MED12L: variants seen among roughly 807,000 people sequenced by gnomAD.
The protein encoded by MED12L is mediator of RNA polymerase II transcription subunit 12-like protein.
MED12L carries 60 observed loss-of-function variants against 281.3 expected under a neutral mutation model. The observed-to-expected ratio is 0.21, with a 90% CI of 0.17 to 0.26. The LOEUF is 0.26. MED12L is among the 10% of genes least tolerant of loss of function. The pLI is 1.00. For missense variants in MED12L, 2,146 were observed against 2,680.9 expected (o/e 0.80, Z 4.41); for synonymous variants, 974 against 987.2 (o/e 0.99, Z 0.25).
At chr3:151,329,369 T>C in intron 16 of MED12L, 1 of 638,738 alleles carries the variant, frequency 1.6e-6, no homozygotes, top group South Asian at 2.1e-5. Context: ...TGTAATTTCT[T>C]ATGCTCATAA....
At chr3:151,430,193 A>G (rs914758063) in intron 43 of MED12L, 106 bp from the exon 44 acceptor site, 29 of 1,486,966 alleles carry the variant, frequency 2.0e-5, no homozygotes, top group East Asian at 1.2e-4. Context: ...TTTTTCGTGA[A>G]GTGTTGAGAA....
chr3:151,337,634 T>C, intron 16 of MED12L: 1 of 635,036 alleles, frequency 1.6e-6, no homozygotes. Context: ...ATTAGTTTTC[T>C]ATATTTTAAG....
At chr3:151,425,402 A>AT (rs1380965017) in intron 43 of MED12L, 3 of 232,218 alleles carry the variant, frequency 1.3e-5, no homozygotes, top group African/African-American at 6.7e-5. Context: ...CAGAATTTTA[A>AT]TTTTAATTTA....
intron 16 of MED12L, among the ~76,000 whole-genome samples, chr3:151,246,616 C>A (rs925936632): frequency 5.3e-5 from 8 of 152,040 alleles, no homozygotes; most frequent in African/African-American, 1.9e-4. Flanking sequence ...ATACAAAAAT[C>A]AATTCAAGAT....
At chr3:151,422,111 T>G (rs547372433) in intron 43 of MED12L, among the ~76,000 whole-genome samples, 29 of 152,248 alleles carry the variant, frequency 1.9e-4, no homozygotes, top group African/African-American at 5.5e-4. Context: ...CCCTGCCAGA[T>G]GTTATAGAGC....
chr3:151,301,081 T>C (rs1233159937), intron 16 of MED12L, among the ~76,000 whole-genome samples: 4 of 152,142 alleles, frequency 2.6e-5, no homozygotes, highest in Non-Finnish European at 4.4e-5. Context: ...ACAGCAGAAG[T>C]CAGAAAGTGT....
intron 16 of MED12L, among the ~76,000 whole-genome samples, chr3:151,202,601 T>G (rs1725774464): frequency 6.6e-6 from 1 of 152,196 alleles, no homozygotes; most frequent in African/African-American, 2.4e-5. Context: ...ACCCGGGATG[T>G]GGAGGTTGAA....
At chr3:151,299,434 CTCTTT>C (rs945335098) in intron 16 of MED12L, among the ~76,000 whole-genome samples, 11 of 99,612 alleles carry the variant, frequency 1.1e-4, no homozygotes, top group African/African-American at 1.5e-4. Flanking sequence ...CTCCTCTCCT[CTCTTT>C]TCTTTTCTTT....
At chr3:151,102,863 TG>T (rs750707242) in intron 2 of MED12L, among the ~76,000 whole-genome samples, 30 of 152,126 alleles carry the variant, frequency 2.0e-4, no homozygotes, top group Non-Finnish European at 4.1e-4. Flanking sequence ...GTGCTGAGCG[TG>T]GGGTCAGAGA....
At chr3:151,177,582 T>G (rs1041973840) in intron 11 of MED12L, among the ~76,000 whole-genome samples, 1 of 152,178 alleles carries the variant, frequency 6.6e-6, no homozygotes, top group Non-Finnish European at 1.5e-5. Context: ...CTTGAACTTC[T>G]AGGCTCAAGC....
Position 151,271,705 on chromosome 3 carries a change from C to G in MED12L, c.2250+78039C>G, listed in dbSNP as rs144793339. Among the ~76,000 whole-genome samples the G allele has an allele frequency of 3.8e-3, 578 of 152,290 alleles. 4 individuals are homozygous for G. Among genetic ancestry groups the G allele is most frequent in the African/African-American group, 0.014 (561 of 41,552 alleles). Reference sequence around the variant, plus strand: ...ATGCGGGCCCACAATATAGGTAAATCTCAAAACATGCTGAGCAAAACAAGT... The same window carrying G: ...ATGCGGGCCCACAATATAGGTAAATGTCAAAACATGCTGAGCAAAACAAGT... On this transcript the variant is annotated intron_variant, in intron 16 of 44. Coordinates refer to ENST00000687756, the MANE Select transcript of MED12L (RefSeq NM_001393769.1).
intron 3 of MED12L, among the ~76,000 whole-genome samples, chr3:151,117,239 A>T (rs1409806280): frequency 2.0e-5 from 3 of 151,902 alleles, no homozygotes; most frequent in African/African-American, 7.3e-5. Context: ...TGATGCTCAA[A>T]TTGTTTCATG....
chr3:151,384,018 A>AG, intron 34 of MED12L, 65 bp from the exon 35 acceptor site: 2 of 1,541,844 alleles, frequency 1.3e-6, no homozygotes, highest in Admixed American at 3.8e-5. Context: ...TTGAATAAAA[A>AG]TACTCAGTTA....
intron 43 of MED12L, among the ~76,000 whole-genome samples, chr3:151,428,469 A>C (rs1173162566): frequency 1.3e-5 from 2 of 152,192 alleles, no homozygotes; most frequent in Non-Finnish European, 2.9e-5. Flanking sequence ...AGTTTTGTGG[A>C]TCTTTCTTGT....
chr3:151,255,496 C>A (rs1737652074), intron 16 of MED12L, among the ~76,000 whole-genome samples: 3 of 152,044 alleles, frequency 2.0e-5, no homozygotes, highest in Admixed American at 1.3e-4. Context: ...TAAATGCCCA[C>A]CAACTTTGGT....
At chr3:151,341,762 GT>G (rs1751861769) in intron 16 of MED12L, among the ~76,000 whole-genome samples, 1 of 149,396 alleles carries the variant, frequency 6.7e-6, no homozygotes, top group Admixed American at 6.7e-5. Flanking sequence ...AGAGTGTAGT[GT>G]TTCCCTTCCT....
chr3:151,265,051 CT>C (rs1221306642), intron 16 of MED12L, among the ~76,000 whole-genome samples: 1 of 152,176 alleles, frequency 6.6e-6, no homozygotes, highest in Non-Finnish European at 1.5e-5. Context: ...TCCTCTCACC[CT>C]ATTTTCCAGA....
rs185046329 is a variant in MED12L at position 151,206,773 on chromosome 3, T to C, written c.2250+13107T>C. ...CGTTCTCCTGCCTCAGCCTCCCGAGTAGCTGGGACTACAGGCACCCACCAC... is the reference window on the plus strand; with the variant it reads ...CGTTCTCCTGCCTCAGCCTCCCGAGCAGCTGGGACTACAGGCACCCACCAC... On this transcript the variant is annotated intron_variant, in intron 16 of 44. Coordinates refer to ENST00000687756, the MANE Select transcript of MED12L (RefSeq NM_001393769.1). 1.1e-3 allele frequency among the ~76,000 whole-genome samples: 166 copies of C among 147,372 alleles called. No homozygotes were observed. In the Middle Eastern group the frequency reaches 0.015, roughly 13 times the overall value.
intron 15 of MED12L, among the ~76,000 whole-genome samples, chr3:151,192,950 A>G (rs781204183): frequency 6.6e-5 from 10 of 152,094 alleles, no homozygotes; most frequent in South Asian, 2.1e-4. Context: ...ATGACAGTCC[A>G]TGTTGATTTG....
Sources: gnomAD v4.1 joint callset for allele counts (sites outside exome capture counted in the v4.1 genomes callset) on GRCh38, gnomAD v4.1.1 for gene constraint, MANE v1.5 for transcripts, NCBI Gene and HGNC (gene_info 2026-07-23, HGNC 2026-07-21) for gene names.